Variants in MED13L observed in about 807,000 individuals in gnomAD.
MED13L encodes mediator complex subunit 13L, also known as mediator of RNA polymerase II transcription subunit 13-like.
MED13L carries 7 observed loss-of-function variants against 220.9 expected under a neutral mutation model. The ratio of observed to expected loss-of-function variants is 0.03; its 90% confidence interval spans 0.02 to 0.06. MED13L has a LOEUF of 0.06. Ranked by LOEUF, MED13L falls within the 10% of genes least tolerant of loss-of-function variation. The pLI is 1.00. For missense variants in MED13L, 1,965 were observed against 2,760.5 expected (o/e 0.71, Z 6.46); for synonymous variants, 1,011 against 1,015.2 (o/e 1.00, Z 0.08).
intron 2 of MED13L, among the ~76,000 whole-genome samples, chr12:116,126,706 C>T (rs1336171229): frequency 6.6e-6 from 1 of 152,212 alleles, no homozygotes; most frequent in Non-Finnish European, 1.5e-5. Context: ...AATGCTAACA[C>T]TTCACTGGCT....
At chr12:116,021,552 T>G (rs1055465926) in intron 5 of MED13L, among the ~76,000 whole-genome samples, 1 of 152,190 alleles carries the variant, frequency 6.6e-6, no homozygotes, top group African/African-American at 2.4e-5. Context: ...TAAATCAGAA[T>G]AGTTTATAGA....
intron 14 of MED13L, among the ~76,000 whole-genome samples, chr12:116,000,878 A>G (rs541009525): frequency 2.0e-5 from 3 of 152,278 alleles, no homozygotes; most frequent in Admixed American, 6.5e-5. Flanking sequence ...TGAGCACCCA[A>G]AATGGGGCTT....
At chr12:116,096,373 A>AAAAAAAAAAAAAAAAAAAAAAC (rs1872642816) in intron 4 of MED13L, among the ~76,000 whole-genome samples, 1 of 147,772 alleles carries the variant, frequency 6.8e-6, no homozygotes. Flanking sequence ...AAAAAAAAAA[A>AAAAAAAAAAAAAAAAAAAAAAC]AAAAAAAAGT....
At chr12:116,014,762 T>C (rs1332404556) in intron 8 of MED13L, among the ~76,000 whole-genome samples, 1 of 152,234 alleles carries the variant, frequency 6.6e-6, no homozygotes, top group South Asian at 2.1e-4. Context: ...TAGGGACGCA[T>C]TCATACATTG....
intron 2 of MED13L, among the ~76,000 whole-genome samples, chr12:116,151,661 T>TA (rs1878051431): frequency 6.6e-6 from 1 of 152,172 alleles, no homozygotes; most frequent in South Asian, 2.1e-4. Context: ...AAATTAGCCA[T>TA]AATGTGCAAA....
intron 4 of MED13L, among the ~76,000 whole-genome samples, chr12:116,069,999 C>A (rs911319173): frequency 3.9e-5 from 6 of 152,148 alleles, no homozygotes; most frequent in Non-Finnish European, 7.4e-5. Flanking sequence ...TCAACTTGTA[C>A]TGCTGGTTTT....
At chr12:116,255,904 T>A (rs1280222784) in intron 1 of MED13L, among the ~76,000 whole-genome samples, 1 of 152,234 alleles carries the variant, frequency 6.6e-6, no homozygotes, top group Non-Finnish European at 1.5e-5. Context: ...TTCCAAATTT[T>A]AAATTTTCAG....
chr12:116,075,728 T>C (rs1870730528), intron 4 of MED13L, among the ~76,000 whole-genome samples: 1 of 152,168 alleles, frequency 6.6e-6, no homozygotes, highest in African/African-American at 2.4e-5. Context: ...TCCTTTCTGC[T>C]GGCTCCTTCC....
At chr12:116,276,644 CCAA>C in intron 1 of MED13L, 1 of 1,197,082 alleles carries the variant, frequency 8.4e-7, no homozygotes, top group Non-Finnish European at 1.1e-6. Flanking sequence ...GGCAGCTGAT[CCAA>C]CAACGGGGGA....
chr12:116,127,451 C>A (rs1875693122), intron 2 of MED13L, among the ~76,000 whole-genome samples: 1 of 151,958 alleles, frequency 6.6e-6, no homozygotes, highest in East Asian at 1.9e-4. Flanking sequence ...AAATCTTTAC[C>A]CAAACTTTTT....
At chr12:116,119,714 A>G (rs1405730382) in intron 2 of MED13L, among the ~76,000 whole-genome samples, 1 of 150,240 alleles carries the variant, frequency 6.7e-6, no homozygotes, top group Non-Finnish European at 1.5e-5. Context: ...CTGAGGCAGA[A>G]GGCTCACTTG....
In MED13L at chr12:115,975,246, T is replaced by C; in HGVS notation, c.5656A>G (p.Ile1886Val). Residue 1886 changes from isoleucine (I) to valine (V), a missense_variant, in exon 25 of 31, where the codon ATT becomes GTT. Ile to Val is a conservative substitution (Grantham distance 29). Transcript: ENST00000281928. ...LQKLWEWCIG[I>V]VQMTSLPWRV... ...CAGGGTAGAGATGTCATTTGGACAA[T>C]CCCTATGCACCACTCCCATAACTTC... 6.2e-7 allele frequency: 1 copy of C among 1,614,104 alleles called. No individual in the cohort carries two copies. The highest frequency in any genetic ancestry group is 8.5e-7 in the Non-Finnish European group (1 of 1,180,004).
intron 4 of MED13L, among the ~76,000 whole-genome samples, chr12:116,073,973 T>C (rs1365271248): frequency 6.6e-6 from 1 of 152,242 alleles, no homozygotes; most frequent in Non-Finnish European, 1.5e-5. Context: ...CACAGCTTTA[T>C]GTGACTGCTA....
At chr12:116,094,684 C>G (rs1872516513) in intron 4 of MED13L, among the ~76,000 whole-genome samples, 1 of 152,148 alleles carries the variant, frequency 6.6e-6, no homozygotes, top group Non-Finnish European at 1.5e-5. Context: ...GCTCATTTAA[C>G]TCACCAGTGA....
At chr12:116,142,444 C>G (rs993193231) in intron 2 of MED13L, among the ~76,000 whole-genome samples, 1 of 152,090 alleles carries the variant, frequency 6.6e-6, no homozygotes, top group Admixed American at 6.6e-5. Flanking sequence ...TCCTAGCATT[C>G]TGGGAGGCCG....
At chr12:116,271,389 G>C (rs1873329724) in intron 1 of MED13L, among the ~76,000 whole-genome samples, 1 of 152,022 alleles carries the variant, frequency 6.6e-6, no homozygotes, top group Non-Finnish European at 1.5e-5. Flanking sequence ...AGGAGATCGA[G>C]ACCATCCTGG....
chr12:115,976,358 A>G (rs1462507617), intron 23 of MED13L, among the ~76,000 whole-genome samples: 2 of 152,254 alleles, frequency 1.3e-5, no homozygotes, highest in Non-Finnish European at 2.9e-5. Context: ...TATAAGCAAC[A>G]AAACAGATGA....
chr12:116,248,529 C>A (rs1871263400), intron 1 of MED13L, among the ~76,000 whole-genome samples: 1 of 152,174 alleles, frequency 6.6e-6, no homozygotes, highest in Non-Finnish European at 1.5e-5. Context: ...CTCAAGGATT[C>A]CATCCAACAA....
chr12:116,213,096 C>T (rs1882797484), intron 2 of MED13L, among the ~76,000 whole-genome samples: 1 of 152,022 alleles, frequency 6.6e-6, no homozygotes, highest in African/African-American at 2.4e-5. Context: ...CTACTGCTCC[C>T]AATTTGCACG....
Sources: allele counts gnomAD v4.1 joint callset (sites outside exome capture counted in the v4.1 genomes callset), GRCh38; gene constraint gnomAD v4.1.1; transcripts MANE v1.5; gene names NCBI Gene and HGNC (gene_info 2026-07-23, HGNC 2026-07-21).